The following CASK variants were observed in gnomAD, a reference collection of about 807,000 sequenced individuals.
CASK encodes calcium/calmodulin dependent serine protein kinase.
A neutral mutation model predicts 82.9 loss-of-function variants in CASK; 4 were observed. That is an observed-to-expected ratio of 0.05 (90% CI 0.02 to 0.11). The LOEUF (loss-of-function observed/expected upper bound fraction) is 0.11. Ranked by LOEUF, CASK falls within the 10% of genes least tolerant of loss-of-function variation. The pLI, the probability that CASK is intolerant of heterozygous loss-of-function variation, is 1.00. For missense variants in CASK, 358 were observed against 720.9 expected, an observed-to-expected ratio of 0.50 and a Z score of 5.76; for synonymous variants, 259 against 253.5, an observed-to-expected ratio of 1.02 and a Z score of -0.20.
Position 41,761,859 on chromosome X carries a change from G to A in CASK, c.279-16258C>T, listed in dbSNP as rs181049327. Among the ~76,000 whole-genome samples the A allele has an allele frequency of 1.3e-3, 150 of 112,139 alleles. 1 individual carries two copies. The highest frequency in any genetic ancestry group is 2.1e-3 in the Non-Finnish European group (110 of 53,190). On this transcript the variant is annotated intron_variant, in intron 3 of 26. Transcript: ENST00000378163. ...TAAACTGATCCTTTGAGTATTACAG[G>A]AAGACACAGATACCTAAATTTATTA...
chrX:41,579,347 C>T, intron 14 of CASK, among the ~76,000 whole-genome samples: 1 of 111,826 alleles, frequency 8.9e-6, no homozygotes. Flanking sequence ...TTTTGGAGCA[C>T]TTGTTTAAAT....
intron 21 of CASK, among the ~76,000 whole-genome samples, chrX:41,553,088 G>A (rs981969515): frequency 8.9e-5 from 10 of 112,109 alleles, no homozygotes; most frequent in African/African-American, 3.2e-4. Context: ...AACAATAATA[G>A]CAGAAATAGA....
chrX:41,529,245 C>G (rs997413035), intron 25 of CASK, among the ~76,000 whole-genome samples: 6 of 111,295 alleles, frequency 5.4e-5, no homozygotes, highest in Non-Finnish European at 1.1e-4. Flanking sequence ...GCTTTGGGGC[C>G]AAGTGCAATG....
At chrX:41,787,729 C>T (rs1192846134) in intron 2 of CASK, among the ~76,000 whole-genome samples, 1 of 111,183 alleles carries the variant, frequency 9.0e-6, no homozygotes, top group African/African-American at 3.3e-5. Flanking sequence ...GTTGTCTATT[C>T]TTTAGCCTAA....
intron 2 of CASK, among the ~76,000 whole-genome samples, chrX:41,840,821 G>A (rs1232887233): frequency 1.8e-5 from 2 of 111,895 alleles, no homozygotes; most frequent in Non-Finnish European, 1.9e-5. Flanking sequence ...GCTTGTTGAC[G>A]TGATGGATTA....
At chrX:41,719,908 C>T (rs1047605124) in intron 5 of CASK, among the ~76,000 whole-genome samples, 20 of 112,671 alleles carry the variant, frequency 1.8e-4, no homozygotes, top group Non-Finnish European at 2.6e-4. Context: ...AATATTTAGG[C>T]TAAATTGTGG....
intron 12 of CASK, among the ~76,000 whole-genome samples, chrX:41,590,757 G>A (rs1000430422): frequency 1.5e-4 from 17 of 110,393 alleles, no homozygotes; most frequent in African/African-American, 5.6e-4. Context: ...TAAAACAGGT[G>A]GGGATTTTCG....
chrX:41,559,328 G>C (rs1369947554), intron 18 of CASK: 1 of 124,765 alleles, frequency 8.0e-6, no homozygotes, highest in East Asian at 2.0e-4. Context: ...CTTCCATCTA[G>C]AGACCTGTCA....
At chrX:41,839,182 A>C (rs2070986372) in intron 2 of CASK, among the ~76,000 whole-genome samples, 1 of 111,889 alleles carries the variant, frequency 8.9e-6, no homozygotes, top group Non-Finnish European at 1.9e-5. Flanking sequence ...ATATCCATAA[A>C]AAATCTTCCT....
chrX:41,825,466 G>A (rs1052618498), intron 2 of CASK, among the ~76,000 whole-genome samples: 1 of 112,200 alleles, frequency 8.9e-6, no homozygotes, highest in Admixed American at 9.4e-5. Context: ...ACAAATATCA[G>A]CTTCACAATT....
chrX:41,628,922 CTTTAT>C (rs1272980578), intron 9 of CASK, among the ~76,000 whole-genome samples: 2 of 111,607 alleles, frequency 1.8e-5, no homozygotes, highest in Non-Finnish European at 3.8e-5. Context: ...TTTAGAGATG[CTTTAT>C]TTTTATTTCC....
chrX:41,685,273 A>G (rs929466367), intron 5 of CASK, among the ~76,000 whole-genome samples: 1 of 111,842 alleles, frequency 8.9e-6, no homozygotes, highest in Non-Finnish European at 1.9e-5. Flanking sequence ...TAAAACAGAT[A>G]CTATTCAGAG....
chrX:41,712,211 T>C (rs770512385), intron 5 of CASK, among the ~76,000 whole-genome samples: 1 of 112,745 alleles, frequency 8.9e-6, no homozygotes, highest in Non-Finnish European at 1.9e-5. Flanking sequence ...TGCAATCAGC[T>C]ACTAAAGGTA....
At chrX:41,714,767 T>C (rs1157832591) in intron 5 of CASK, among the ~76,000 whole-genome samples, 4 of 112,022 alleles carry the variant, frequency 3.6e-5, no homozygotes, top group African/African-American at 1.3e-4. Context: ...TAAAATGATC[T>C]TGACACCTGA....
intron 3 of CASK, among the ~76,000 whole-genome samples, chrX:41,769,864 G>C (rs2069188507): frequency 9.0e-6 from 1 of 111,215 alleles, no homozygotes; most frequent in East Asian, 2.8e-4. Flanking sequence ...AAGATCACTT[G>C]AGCCCAGGAG....
chrX:41,563,232 T>C (rs1175754337), intron 16 of CASK, among the ~76,000 whole-genome samples: 1 of 103,990 alleles, frequency 9.6e-6, no homozygotes, highest in South Asian at 4.5e-4. Flanking sequence ...TGAGTGTGGT[T>C]GCCTGTAGTC....
intron 8 of CASK, among the ~76,000 whole-genome samples, chrX:41,643,252 T>C (rs1378650018): frequency 8.9e-6 from 1 of 111,929 alleles, no homozygotes; most frequent in Admixed American, 9.5e-5. Flanking sequence ...GTCTTGGCAA[T>C]GCGGGCTCTT....
intron 2 of CASK, among the ~76,000 whole-genome samples, chrX:41,829,623 G>T (rs1179016871): frequency 4.0e-5 from 1 of 25,297 alleles, no homozygotes; most frequent in Non-Finnish European, 6.9e-5. Context: ...TTTTTTTTGG[G>T]GGGGTGGGGG....
chrX:41,923,096 G>A lies in CASK; in HGVS notation c.-108C>T. 4.4e-6 allele frequency: 3 copies of A among 683,845 alleles called. No homozygotes were observed. Among genetic ancestry groups the A allele is most frequent in the Admixed American group, 2.6e-5 (1 of 38,494 alleles). The allele number at this position is 683,845 out of a possible 1,213,427, so 56.4% of individuals were successfully genotyped here. A position where few individuals can be genotyped will look rare whatever the true frequency, so the allele number is the denominator to read the frequency against. ...GGATCGCCTCCTCCCCTCAGGACCC[G>A]CGAGCCCTCGGTGCCGAGGACGCTC... On this transcript the variant is annotated 5_prime_UTR_variant, in exon 1 of 27. Transcript: ENST00000378163.
Sources: allele counts gnomAD v4.1 joint callset (sites outside exome capture counted in the v4.1 genomes callset), GRCh38; gene constraint gnomAD v4.1.1; transcripts MANE v1.5; gene names NCBI Gene and HGNC (gene_info 2026-07-23, HGNC 2026-07-21).